Variants in HYDIN observed in about 807,000 individuals in gnomAD.
HYDIN encodes axonemal central pair apparatus protein HYDIN.
A neutral mutation model predicts 403.9 loss-of-function variants in HYDIN; 132 were observed. The observed-to-expected ratio is 0.33, with a 90% CI of 0.28 to 0.38. The LOEUF (loss-of-function observed/expected upper bound fraction) is 0.38, where lower values mean the gene tolerates loss of function less well. Ranked by LOEUF, HYDIN falls within the 10% of genes least tolerant of loss-of-function variation. The pLI is 1.00. For missense variants in HYDIN, 2,827 were observed against 5,009.5 expected (o/e 0.56, Z 13.15); for synonymous variants, 1,202 against 1,891.7 (o/e 0.64, Z 9.46).
At chr16:71,168,184 T>C (rs57662370) in intron 5 of HYDIN, among the ~76,000 whole-genome samples, 5 of 148,992 alleles carry the variant, frequency 3.4e-5, no homozygotes, top group African/African-American at 1.2e-4. Context: ...TTGGGCGTGG[T>C]GGCAGGTGCC....
intron 10 of HYDIN, among the ~76,000 whole-genome samples, chr16:71,095,363 C>T (rs533929843): frequency 1.6e-3 from 247 of 151,938 alleles, no homozygotes; most frequent in African/African-American, 5.8e-3. Context: ...AGGGAGCAGA[C>T]TGTATTGCAA....
intron 5 of HYDIN, among the ~76,000 whole-genome samples, chr16:71,172,364 C>T (rs898487590): frequency 2.0e-5 from 3 of 152,072 alleles, no homozygotes; most frequent in African/African-American, 7.2e-5. Flanking sequence ...ATTTTTCTTT[C>T]TCATTTTAAT....
chr16:71,081,420 G>A (rs974931585), intron 12 of HYDIN, among the ~76,000 whole-genome samples: 1 of 151,366 alleles, frequency 6.6e-6, no homozygotes, highest in Non-Finnish European at 1.5e-5. Flanking sequence ...CCAGGAATTG[G>A]GATCCAGTTG....
In HYDIN at chr16:70,859,682, T is replaced by C. The variant is rs552547270; in HGVS notation, c.12129+386A>G. 6.6e-5 allele frequency among the ~76,000 whole-genome samples: 10 copies of C among 152,302 alleles called. No homozygotes were observed. In the East Asian group the frequency reaches 1.9e-3, roughly 29 times the overall value. On this transcript the variant is annotated intron_variant, in intron 71 of 85. Transcript: ENST00000393567. ...ACATGGCTCCACTCTACTTTGCCCT[T>C]TGCCTAACCAAGTAAAAACACATCG...
At chr16:71,188,127 A>AT (rs985467711) in intron 1 of HYDIN, among the ~76,000 whole-genome samples, 4 of 152,014 alleles carry the variant, frequency 2.6e-5, no homozygotes, top group African/African-American at 9.6e-5. Flanking sequence ...CAAGTTATTT[A>AT]TTTTTTTTAA....
At chr16:71,032,263 A>G (rs1160759166) in intron 18 of HYDIN, among the ~76,000 whole-genome samples, 8 of 150,930 alleles carry the variant, frequency 5.3e-5, no homozygotes, top group Non-Finnish European at 1.2e-4. Context: ...CTCTTTATGG[A>G]GTTTGAAATT....
intron 41 of HYDIN, among the ~76,000 whole-genome samples, chr16:70,948,180 A>G (rs1427287904): frequency 1.6e-4 from 24 of 148,578 alleles, no homozygotes; most frequent in African/African-American, 5.0e-4. Flanking sequence ...GATCTTTGAC[A>G]AACCTGAGAA....
chr16:70,837,586 G>A (rs2037517245), intron 77 of HYDIN, 104 bp downstream of exon 77: 1 of 821,556 alleles, frequency 1.2e-6, no homozygotes, highest in African/African-American at 1.7e-5. Context: ...CTGGGGCAGA[G>A]AAGCAGAGGG....
At chr16:71,039,912 G>C (rs372828973) in intron 18 of HYDIN, among the ~76,000 whole-genome samples, 37 of 152,324 alleles carry the variant, frequency 2.4e-4, no homozygotes, top group African/African-American at 8.7e-4. Flanking sequence ...AAGGCAAAGG[G>C]CCCACTGAGC....
chr16:71,023,117 C>G (rs1455543086), intron 21 of HYDIN, among the ~76,000 whole-genome samples: 5 of 152,084 alleles, frequency 3.3e-5, no homozygotes, highest in Non-Finnish European at 5.9e-5. Flanking sequence ...GCAGCTGTTG[C>G]CAATAAATAT....
In HYDIN at chr16:71,186,800, C is replaced by T; in HGVS notation, c.96G>A (p.Leu32=). ...CTTCTTCTGTAACCACCTTTGGACT[C>T]AGGGGTGGCAAAACCTTGCTTTGAA... The part of the protein sequence containing the change: ...KGFQSKVLPP[L]SPKVVTEEEV... Residue 32 remains leucine, a synonymous_variant, in exon 2 of 86, where the codon CTG becomes CTA. Transcript: ENST00000393567. 6.2e-7 allele frequency: 1 copy of T among 1,613,592 alleles called. No individual in the cohort carries two copies. Among genetic ancestry groups the T allele is most frequent in the South Asian group, 1.1e-5 (1 of 91,052 alleles).
chr16:70,852,628 A>G (rs2038729792), intron 73 of HYDIN: 1 of 149,492 alleles, frequency 6.7e-6, no homozygotes, highest in Admixed American at 6.7e-5. Flanking sequence ...CAGGCTGAGC[A>G]GGAAACTGGA....
intron 9 of HYDIN, among the ~76,000 whole-genome samples, chr16:71,117,980 C>A (rs148436102): frequency 0.014 from 2,138 of 151,954 alleles, 51 homozygotes; most frequent in African/African-American, 0.048. Context: ...GGCCATTGCT[C>A]TGTTTTTATA....
Position 71,230,563 on chromosome 16 carries a change from T to C in HYDIN, c.-25A>G, listed in dbSNP as rs550032023. The C allele has an allele frequency of 8.5e-6, 13 of 1,534,600 alleles. 1 individual carries two copies. In the African/African-American group the frequency reaches 1.8e-4, roughly 21 times the overall value. Reference sequence around the variant, plus strand: ...ACAATCTCTGCGAGGACCTCTGACCTTGGTGCACTCCGGGTCCCACGTTTA... The same window carrying C: ...ACAATCTCTGCGAGGACCTCTGACCCTGGTGCACTCCGGGTCCCACGTTTA... On this transcript the variant is annotated splice_region_variant and 5_prime_UTR_variant, in exon 1 of 86. Transcript: ENST00000393567.
At chr16:70,830,512 C>T (rs1038153247) in intron 80 of HYDIN, among the ~76,000 whole-genome samples, 108 of 139,110 alleles carry the variant, frequency 7.8e-4, no homozygotes, top group Middle Eastern at 7.3e-3. Flanking sequence ...GTGACCTGAT[C>T]GGATCTATGC....
intron 83 of HYDIN, among the ~76,000 whole-genome samples, chr16:70,820,098 G>T (rs1422127463): frequency 6.7e-6 from 1 of 149,438 alleles, no homozygotes; most frequent in Non-Finnish European, 1.5e-5. Flanking sequence ...GAGTTTACAG[G>T]CTTGAGCCAC....
intron 12 of HYDIN, among the ~76,000 whole-genome samples, chr16:71,084,811 G>A (rs1178899030): frequency 2.7e-5 from 4 of 146,684 alleles, no homozygotes; most frequent in Non-Finnish European, 5.9e-5. Flanking sequence ...TCATAAAAGG[G>A]TGCTAAATTT....
At chr16:70,817,053 A>G (rs2143450516) in intron 84 of HYDIN, 1 of 133,888 alleles carries the variant, frequency 7.5e-6, no homozygotes, top group South Asian at 2.1e-4. Context: ...CAGAGACAGT[A>G]CGAGAGAGGA....
chr16:70,898,172 A>T (rs899158189), intron 53 of HYDIN, among the ~76,000 whole-genome samples: 1 of 152,190 alleles, frequency 6.6e-6, no homozygotes, highest in African/African-American at 2.4e-5. Flanking sequence ...CTGTGTCAAG[A>T]AAAATAAAAC....
Sources: allele counts gnomAD v4.1 joint callset (sites outside exome capture counted in the v4.1 genomes callset), GRCh38; gene constraint gnomAD v4.1.1; transcripts MANE v1.5; gene names NCBI Gene and HGNC (gene_info 2026-07-23, HGNC 2026-07-21).